Variants in ADGRV1 observed in about 807,000 individuals in gnomAD.
The protein encoded by ADGRV1 is adhesion G protein-coupled receptor V1, also known as G-protein coupled receptor 98.
Under a neutral mutation model 596.2 loss-of-function variants are expected in ADGRV1, and 359 were observed. The observed-to-expected ratio is 0.60, with a 90% CI of 0.55 to 0.66. The LOEUF (loss-of-function observed/expected upper bound fraction) is 0.66. Among genes scored for constraint, ADGRV1 ranks in the 30% least tolerant of loss-of-function variants. The pLI, the probability that ADGRV1 is intolerant of heterozygous loss-of-function variation, is 0.00. For missense variants in ADGRV1, 7,274 were observed against 7,575.6 expected, an observed-to-expected ratio of 0.96 and a Z score of 1.48; for synonymous variants, 2,681 against 2,679.2, an observed-to-expected ratio of 1.00 and a Z score of -0.02.
At chr5:90,776,014 T>C (rs947054911) in intron 60 of ADGRV1, among the ~76,000 whole-genome samples, 2 of 152,214 alleles carry the variant, frequency 1.3e-5, no homozygotes, top group African/African-American at 4.8e-5. Flanking sequence ...GGTTTATAAA[T>C]GCTTACAGTC....
At chr5:90,756,885 A>C in intron 56 of ADGRV1, 94 bp from the exon 57 acceptor site, 1 of 1,050,936 alleles carries the variant, frequency 9.5e-7, no homozygotes, top group Non-Finnish European at 1.4e-6. Flanking sequence ...AAAGGGTGAA[A>C]TATAGAAAGT....
At position 90,625,230 on chromosome 5, in the gene ADGRV1, T is replaced by G. The variant is rs762649515; in HGVS notation, c.659T>G (p.Val220Gly). The G allele has an allele frequency of 1.2e-6, 2 of 1,609,744 alleles. No homozygotes were observed. Among genetic ancestry groups the G allele is most frequent in the South Asian group, 2.2e-5 (2 of 90,796 alleles). Residue 220 changes from valine (V) to glycine (G), a missense_variant, in exon 6 of 90, where the codon GTA becomes GGA. By Grantham distance (109) the Val-to-Gly change is moderately radical. This residue lies in a region of ADGRV1 where 1,715 missense variants were observed against 1,708.8 expected (regional missense o/e 1.00). Transcript: ENST00000405460. ...GCAACAGTAATTTATAACTTGACAG[T>G]ACTCGATGACGAGGTTGGCTAATGT... ...GRATVIYNLT[V>G]LDDEVPENDE...
At chr5:90,598,900 G>C (rs2152018688) in intron 1 of ADGRV1, among the ~76,000 whole-genome samples, 1 of 152,278 alleles carries the variant, frequency 6.6e-6, no homozygotes, top group South Asian at 2.1e-4. Flanking sequence ...ACAGCTATAA[G>C]ACAATTTTAA....
rs1204470864 is a variant in ADGRV1, at chr5:90,756,452, A to G, written c.11581-2A>G. 6 of 1,488,740 alleles carry G rather than the reference A, an allele frequency of 4.0e-6. No individual in the cohort carries two copies. The highest frequency in any genetic ancestry group is 5.4e-6 in the Non-Finnish European group (6 of 1,113,936). 92.2% of individuals were successfully genotyped at this position (1,488,740 alleles called of 1,614,324 possible). A position where few individuals can be genotyped will look rare whatever the true frequency, so the allele number is the denominator to read the frequency against. On this transcript the variant is annotated splice_acceptor_variant, in intron 55 of 89. Transcript: ENST00000405460. LOFTEE classifies it high-confidence loss of function. ...ACACCATCTTTTTCCCCCATCCCCCAGGATGACCTTCCTGAATTGGAGGAA... is the reference window on the plus strand; with the variant it reads ...ACACCATCTTTTTCCCCCATCCCCCGGGATGACCTTCCTGAATTGGAGGAA...
At chr5:91,000,536 CTAGT>C (rs1323916883) in intron 85 of ADGRV1, among the ~76,000 whole-genome samples, 22 of 152,100 alleles carry the variant, frequency 1.4e-4, no homozygotes, top group African/African-American at 3.9e-4. Flanking sequence ...AACGCAAGAG[CTAGT>C]TAGTCTTAAT....
chr5:90,691,889 A>G (rs1746526552), intron 31 of ADGRV1, among the ~76,000 whole-genome samples: 2 of 152,206 alleles, frequency 1.3e-5, no homozygotes, highest in African/African-American at 4.8e-5. Context: ...GCAGCAAGGT[A>G]GCAAATATAA....
intron 67 of ADGRV1, among the ~76,000 whole-genome samples, chr5:90,785,828 T>A (rs928234955): frequency 6.6e-6 from 1 of 152,218 alleles, no homozygotes; most frequent in East Asian, 1.9e-4. Context: ...TCAACCATTA[T>A]GGAAGACAGT....
intron 85 of ADGRV1, among the ~76,000 whole-genome samples, chr5:90,994,569 G>C (rs970153568): frequency 2.0e-5 from 3 of 152,092 alleles, no homozygotes; most frequent in Non-Finnish European, 4.4e-5. Flanking sequence ...CTGAGGGATA[G>C]TTTCTATTCA....
chr5:90,617,787 T>C lies in ADGRV1; in HGVS notation c.208-17T>C, dbSNP rs1763556532. ...TACTGTGTTAAATAAGAATGATCTA[T>C]ATTTTGCATTTGATAGCTGTATGGA... On this transcript the variant is annotated splice_polypyrimidine_tract_variant and intron_variant, in intron 2 of 89. Transcript: ENST00000405460. 8.9e-6 allele frequency: 14 copies of C among 1,577,110 alleles called. No homozygotes were observed. The highest frequency in any genetic ancestry group is 1.7e-4 in the Middle Eastern group (1 of 6,008).
intron 1 of ADGRV1, among the ~76,000 whole-genome samples, chr5:90,596,133 G>T (rs1182825957): frequency 1.4e-5 from 2 of 143,094 alleles, no homozygotes; most frequent in African/African-American, 5.3e-5. Flanking sequence ...GGGCAGAGGC[G>T]CTCCTCACAT....
intron 1 of ADGRV1, among the ~76,000 whole-genome samples, chr5:90,569,374 TATATATATATATA>T (rs1467843764): frequency 8.5e-4 from 23 of 27,036 alleles, no homozygotes; most frequent in African/African-American, 2.5e-3. Flanking sequence ...TATATATATA[TATATATATATATA>T]TTTTTTTTTT....
chr5:91,132,834 C>T (rs1347474958), intron 87 of ADGRV1, among the ~76,000 whole-genome samples: 1 of 152,122 alleles, frequency 6.6e-6, no homozygotes, highest in African/African-American at 2.4e-5. Flanking sequence ...GAGGTGGAGA[C>T]TGGAAATCAG....
At chr5:90,798,307 A>G (rs890445040) in intron 70 of ADGRV1, among the ~76,000 whole-genome samples, 7 of 152,224 alleles carry the variant, frequency 4.6e-5, no homozygotes, top group Non-Finnish European at 8.8e-5. Context: ...CTCTATGCAA[A>G]TAAACTAGAA....
At chr5:90,687,489 A>G (rs1745833946) in intron 29 of ADGRV1, among the ~76,000 whole-genome samples, 3 of 152,140 alleles carry the variant, frequency 2.0e-5, no homozygotes, top group South Asian at 2.1e-4. Flanking sequence ...AAACTGGCAC[A>G]AGACAGGGAT....
intron 50 of ADGRV1, among the ~76,000 whole-genome samples, chr5:90,737,026 C>A (rs1381284771): frequency 1.3e-5 from 2 of 150,242 alleles, no homozygotes; most frequent in Admixed American, 6.6e-5. Context: ...TTTTCTATTT[C>A]CTTTAGTTGT....
At chr5:91,100,536 G>C (rs915680940) in intron 86 of ADGRV1, among the ~76,000 whole-genome samples, 19 of 151,896 alleles carry the variant, frequency 1.3e-4, no homozygotes, top group Admixed American at 1.1e-3. Flanking sequence ...AAGGGGAAAA[G>C]AAAGAATAAT....
chr5:90,569,369 ATATATATATATATATATATTTTTTTTTTT>A (rs1756104184), intron 1 of ADGRV1, among the ~76,000 whole-genome samples: 1 of 14,566 alleles, frequency 6.9e-5, no homozygotes, highest in African/African-American at 4.8e-4. Context: ...ATATATATAT[ATATATATATATATATATATTTTTTTTTTT>A]TTTTTTTTTT....
At chr5:90,905,672 G>T (rs181283266) in intron 83 of ADGRV1, among the ~76,000 whole-genome samples, 14 of 152,098 alleles carry the variant, frequency 9.2e-5, no homozygotes, top group African/African-American at 3.1e-4. Flanking sequence ...CACATAATTT[G>T]CAAACAAGGA....
At chr5:90,923,717 TGCGCTG>T (rs1774114370) in intron 83 of ADGRV1, among the ~76,000 whole-genome samples, 6 of 152,252 alleles carry the variant, frequency 3.9e-5, no homozygotes, top group Non-Finnish European at 8.8e-5. Flanking sequence ...GCCATGCTGG[TGCGCTG>T]CACCCACTAA....
Sources: gnomAD v4.1 joint callset for allele counts (sites outside exome capture counted in the v4.1 genomes callset) on GRCh38, gnomAD v4.1.1 for gene constraint, gnomAD v4.1.1 regional missense constraint, MANE v1.5 for transcripts, NCBI Gene and HGNC (gene_info 2026-07-23, HGNC 2026-07-21) for gene names.